Variants in PLAGL1 observed in about 807,000 individuals in gnomAD.
PLAGL1 encodes the protein PLAG1 like zinc finger 1, also known as zinc finger protein PLAGL1.
A neutral mutation model predicts 4.6 loss-of-function variants in PLAGL1; 1 was observed. The ratio of observed to expected loss-of-function variants is 0.22; its 90% CI spans 0.08 to 1.03. The LOEUF (loss-of-function observed/expected upper bound fraction) is 1.03. Ranked by LOEUF, PLAGL1 falls within the 50% of genes least tolerant of loss-of-function variation. The pLI is 0.58. For synonymous variants in PLAGL1, 240 were observed against 237.8 expected (o/e 1.01, Z -0.08); for missense variants, 464 against 570.4 (o/e 0.81, Z 1.90).
rs1049787926 is a variant in PLAGL1, at chr6:144,036,314, G to C, written c.-151+28154C>G. Among the ~76,000 whole-genome samples, 32 of 152,208 alleles carry C rather than the reference G, an allele frequency of 2.1e-4. No individual in the cohort carries two copies. The highest frequency in any genetic ancestry group is 4.4e-5 in the Non-Finnish European group (3 of 68,036). On this transcript the variant is annotated intron_variant, in intron 1 of 3. Transcript: ENST00000437412. This position sits in a 1 kb window ranked among gnomAD's most constrained non-coding sequence, Gnocchi z 5.1. The stretch of plus-strand genomic sequence containing the variant: ...TTATAACACAATCCTGAGGAAATCA[G>C]CTGTGAAATACACAGACTTTGTGCA...
rs61216054 is a variant in PLAGL1, at chr6:143,943,031, A to ATTTTTTTTTTTTTTTTTTTTTTTTTTTT, written c.153-369_153-368insAAAAAAAAAAAAAAAAAAAAAAAAAAAA. ...AGGCACACACCACCAGGCCTGGCTAATTTTTTTTTTTTTTTTTTTGAGACA... is the reference window on the plus strand; with the variant it reads ...AGGCACACACCACCAGGCCTGGCTAATTTTTTTTTTTTTTTTTTTTTTTTTTTTTTTTTTTTTTTTTTTTTTTGAGACA... On this transcript the variant is annotated intron_variant, in intron 7 of 7. Coordinates refer to ENST00000674357, the MANE Select transcript of PLAGL1 (RefSeq NM_001317162.2). 1.6e-3 allele frequency among the ~76,000 whole-genome samples: 103 copies of ATTTTTTTTTTTTTTTTTTTTTTTTTTTT among 64,642 alleles called. 23 individuals carry two copies. Among genetic ancestry groups the ATTTTTTTTTTTTTTTTTTTTTTTTTTTT allele is most frequent in the East Asian group, 3.4e-3 (5 of 1,450 alleles). 42.4% of individuals were successfully genotyped at this position (64,642 alleles called of 152,430 possible).
At chr6:144,043,811 C>A (rs945612450) in intron 1 of PLAGL1, among the ~76,000 whole-genome samples, 3 of 152,062 alleles carry the variant, frequency 2.0e-5, no homozygotes, top group African/African-American at 7.2e-5. Flanking sequence ...TGGTCCTGGA[C>A]TTTTTTTGGT....
chr6:143,980,995 T>C (rs577055113), intron 2 of PLAGL1, among the ~76,000 whole-genome samples: 87 of 152,350 alleles, frequency 5.7e-4, no homozygotes, highest in Middle Eastern at 3.4e-3. Context: ...AAATTGTTTA[T>C]GGCTGTTTTA....
chr6:144,040,033 G>A (rs529734348), intron 1 of PLAGL1, among the ~76,000 whole-genome samples: 29 of 151,924 alleles, frequency 1.9e-4, no homozygotes, highest in Admixed American at 1.7e-3. Context: ...ACAAATGTCA[G>A]GGAAAATGAT....
chr6:144,032,566 T>C (rs1009453757), intron 1 of PLAGL1, among the ~76,000 whole-genome samples: 1 of 152,038 alleles, frequency 6.6e-6, no homozygotes, highest in Non-Finnish European at 1.5e-5. Flanking sequence ...TGGGGTTTTG[T>C]TTGTTTGTTT....
At position 144,048,267 on chromosome 6, in the gene PLAGL1, G is replaced by A. The variant is rs1798315691; in HGVS notation, c.-151+16201C>T. ...TGGCTTTTCCAGGTGCACAGTGCAA[G>A]CTGTCAGTGGATCTAGCATTCTGGG... On this transcript the variant is annotated intron_variant, in intron 1 of 3. Coordinates refer to the PLAGL1 transcript ENST00000437412. This position sits in a 1 kb window ranked among gnomAD's most constrained non-coding sequence, Gnocchi z 4.8. Among the ~76,000 whole-genome samples the A allele has an allele frequency of 6.6e-6, 1 of 152,188 alleles. No homozygotes were observed. The highest frequency in any genetic ancestry group is 2.4e-5 in the African/African-American group (1 of 41,446).
rs1798707453 is a variant in PLAGL1 at position 144,053,216 on chromosome 6, C to A, written c.-151+11252G>T. 6.6e-6 allele frequency among the ~76,000 whole-genome samples: 1 copy of A among 152,118 alleles called. No homozygotes were observed. The highest frequency in any genetic ancestry group is 2.4e-5 in the African/African-American group (1 of 41,416). On this transcript the variant is annotated intron_variant, in intron 1 of 3. Coordinates refer to the PLAGL1 transcript ENST00000437412. This position sits in a 1 kb window ranked among gnomAD's most constrained non-coding sequence, Gnocchi z 4.0. ...GTGGCGCAATTTTGGCTTACTGCAA[C>A]CTCTGCCTCCCGGGTTCAAGCAATT...
chr6:144,038,791 A>G (rs942302512), intron 1 of PLAGL1, among the ~76,000 whole-genome samples: 1 of 152,214 alleles, frequency 6.6e-6, no homozygotes, highest in African/African-American at 2.4e-5. Context: ...ATCTAGAGAG[A>G]CAGAAAGTAG....
intron 1 of PLAGL1, among the ~76,000 whole-genome samples, chr6:144,030,219 C>T (rs1202659883): frequency 8.4e-6 from 1 of 119,248 alleles, no homozygotes; most frequent in Non-Finnish European, 1.6e-5. Flanking sequence ...TGCGCCACTG[C>T]ACTCCAGCCT....
At position 143,989,694 on chromosome 6, in the gene PLAGL1, CTT is replaced by C. The variant is rs1316250120; in HGVS notation, c.-583-4522_-583-4521del. 6.6e-6 allele frequency among the ~76,000 whole-genome samples: 1 copy of C among 152,208 alleles called. No individual in the cohort carries two copies. The highest frequency in any genetic ancestry group is 1.9e-4 in the East Asian group (1 of 5,198). Reference sequence around the variant, plus strand: ...GGTCAATTCTTTGTAATCAATCTCTCTTTCTCTCTCCATATATGTATCCATGG... The same window carrying C: ...GGTCAATTCTTTGTAATCAATCTCTCTCTCTCTCCATATATGTATCCATGG... On this transcript the variant is annotated intron_variant, in intron 1 of 7. Transcript: ENST00000674357. This position sits in a 1 kb window ranked among gnomAD's most constrained non-coding sequence, Gnocchi z 4.8.
intron 1 of PLAGL1, among the ~76,000 whole-genome samples, chr6:144,029,364 C>T (rs959971375): frequency 6.6e-6 from 1 of 152,140 alleles, no homozygotes; most frequent in Non-Finnish European, 1.5e-5. Context: ...AAGACAACAA[C>T]AACCTGATGG....
At chr6:144,012,490 G>A (rs185025979), upstream of PLAGL1, among the ~76,000 whole-genome samples, 462 of 152,272 alleles carry the variant, frequency 3.0e-3, 4 homozygotes, top group African/African-American at 9.0e-3. This position sits in a 1 kb window ranked among gnomAD's most constrained non-coding sequence, Gnocchi z 4.8. Context: ...GCCTGTCTCA[G>A]TCTCCCAAAG....
chr6:144,008,132 G>A lies in PLAGL1; in HGVS notation c.-626C>T, dbSNP rs1445550378. ...CCCGGAGCTCAGGCGAGGCCGCTCG[G>A]GCGTGCCACCTCCGCGGCCATGACG... On this transcript the variant is annotated 5_prime_UTR_variant, in exon 1 of 8. Coordinates refer to ENST00000674357, the MANE Select transcript of PLAGL1 (RefSeq NM_001317162.2). The surrounding 1 kb of genome is among the most constrained non-coding windows in gnomAD (Gnocchi z 6.9). 6 of 151,894 alleles carry A rather than the reference G, an allele frequency of 4.0e-5. No individual in the cohort carries two copies. The highest frequency in any genetic ancestry group is 1.4e-4 in the African/African-American group (6 of 41,482). 9.4% of individuals were successfully genotyped at this position (151,894 alleles called of 1,614,324 possible).
At chr6:143,943,186 G>C (rs1554247906) in intron 7 of PLAGL1, among the ~76,000 whole-genome samples, 3 of 149,496 alleles carry the variant, frequency 2.0e-5, no homozygotes, top group African/African-American at 7.7e-5. Flanking sequence ...AAGAGAACAT[G>C]TTTTTTTAAT....
chr6:144,051,288 T>C lies in PLAGL1; in HGVS notation c.-151+13180A>G, dbSNP rs142555163. Among the ~76,000 whole-genome samples, 59 of 152,332 alleles carry C rather than the reference T, an allele frequency of 3.9e-4. 2 individuals are homozygous for C. In the South Asian group the frequency reaches 5.8e-3, roughly 15 times the overall value. On this transcript the variant is annotated intron_variant, in intron 1 of 3. Coordinates refer to the PLAGL1 transcript ENST00000437412. ...GGGAAACCAATAACTGCAACATGTA[T>C]GTGCTTAATGGAAAAAGATCCATTC...
In PLAGL1 at chr6:143,972,598, A is replaced by ATAT. The variant is rs1785641159; in HGVS notation, c.-543-3623_-543-3621dup. 5.3e-5 allele frequency among the ~76,000 whole-genome samples: 8 copies of ATAT among 152,288 alleles called. No individual in the cohort carries two copies. In the South Asian group the frequency reaches 1.7e-3, roughly 32 times the overall value. ...AGAATATAAATATTTTAAAATAAATATATTATTGTAATATTCCCATGCAAT... is the reference window on the plus strand; with the variant it reads ...AGAATATAAATATTTTAAAATAAATATATTATTATTGTAATATTCCCATGCAAT... On this transcript the variant is annotated intron_variant, in intron 2 of 7. Transcript: ENST00000674357. The surrounding 1 kb of genome is among the most constrained non-coding windows in gnomAD (Gnocchi z 6.8).
chr6:144,002,265 A>C (rs1167375133), intron 1 of PLAGL1, among the ~76,000 whole-genome samples: 1 of 152,192 alleles, frequency 6.6e-6, no homozygotes, highest in Non-Finnish European at 1.5e-5. Context: ...GAAACAGAAG[A>C]AAATTTCCTC....
Position 144,036,160 on chromosome 6 carries a change from C to T in PLAGL1, c.-151+28308G>A, listed in dbSNP as rs1366031358. 6.6e-6 allele frequency among the ~76,000 whole-genome samples: 1 copy of T among 152,202 alleles called. No homozygotes were observed. Among genetic ancestry groups the T allele is most frequent in the Non-Finnish European group, 1.5e-5 (1 of 68,036 alleles). ...GCCTCCAGAATGACTCCTTCCAATG[C>T]TCACTAATGCTTAGGGGCCTGAGGA... On this transcript the variant is annotated intron_variant, in intron 1 of 3. Transcript: ENST00000437412. This position sits in a 1 kb window ranked among gnomAD's most constrained non-coding sequence, Gnocchi z 5.1.
chr6:143,951,842 C>T (rs1781139299), intron 6 of PLAGL1, among the ~76,000 whole-genome samples: 1 of 152,130 alleles, frequency 6.6e-6, no homozygotes, highest in Non-Finnish European at 1.5e-5. Context: ...TTTAATATAC[C>T]TAGCCTAATA....
Sources: allele counts gnomAD v4.1 joint callset (sites outside exome capture counted in the v4.1 genomes callset), GRCh38; gene constraint gnomAD v4.1.1; non-coding constraint Gnocchi (gnomAD v3.1); transcripts MANE v1.5; gene names NCBI Gene and HGNC (gene_info 2026-07-23, HGNC 2026-07-21).